The following SLC1A3 variants were observed in gnomAD, a reference collection of about 807,000 sequenced individuals.
SLC1A3 encodes the protein solute carrier family 1 member 3.
A neutral mutation model predicts 48.1 loss-of-function variants in SLC1A3; 21 were observed. That is an observed-to-expected ratio of 0.44 (90% CI 0.31 to 0.63). The LOEUF is 0.63. Among genes scored for constraint, SLC1A3 ranks in the 20% least tolerant of loss-of-function variants. The pLI is 0.08. For synonymous variants in SLC1A3, 239 were observed against 251.4 expected (o/e 0.95, Z 0.47); for missense variants, 546 against 689.0 (o/e 0.79, Z 2.32).
chr5:36,669,878 C>T (rs1741914595), intron 3 of SLC1A3: 1 of 151,610 alleles, frequency 6.6e-6, no homozygotes, highest in African/African-American at 2.4e-5. Flanking sequence ...GAATATTAAA[C>T]CACCATTAGA....
chr5:36,645,853 T>C (rs1036023719), intron 3 of SLC1A3, among the ~76,000 whole-genome samples: 6 of 152,238 alleles, frequency 3.9e-5, no homozygotes, highest in Non-Finnish European at 7.3e-5. Context: ...TTCTATCTCA[T>C]GTCTTGAATT....
intron 4 of SLC1A3, 148 bp downstream of exon 4, chr5:36,671,381 T>C (rs563706725): frequency 5.7e-6 from 4 of 707,386 alleles, no homozygotes; most frequent in South Asian, 4.5e-5. Context: ...CTCTTTCTTA[T>C]AGAAATTGAA....
chr5:36,673,823 G>C (rs1370154275), intron 4 of SLC1A3, among the ~76,000 whole-genome samples: 1 of 152,194 alleles, frequency 6.6e-6, no homozygotes, highest in Non-Finnish European at 1.5e-5. Flanking sequence ...TGGCTGACAA[G>C]AGGATAAATG....
intron 2 of SLC1A3, among the ~76,000 whole-genome samples, chr5:36,611,420 T>C (rs1023562045): frequency 3.3e-5 from 5 of 151,620 alleles, no homozygotes; most frequent in African/African-American, 1.2e-4. Context: ...AAAAATATTA[T>C]GATAAAGACA....
intron 3 of SLC1A3, among the ~76,000 whole-genome samples, chr5:36,666,800 C>G (rs1741768609): frequency 6.6e-6 from 1 of 152,084 alleles, no homozygotes; most frequent in African/African-American, 2.4e-5. Context: ...TACAGAGTAC[C>G]ACATACACAT....
chr5:36,666,602 G>GAT (rs1230869873), intron 3 of SLC1A3: 1 of 152,182 alleles, frequency 6.6e-6, no homozygotes, highest in Admixed American at 6.5e-5. Context: ...GGAGTACACT[G>GAT]ATACATGTTA....
At chr5:36,668,244 G>T (rs373741104) in intron 3 of SLC1A3, 8 of 152,244 alleles carry the variant, frequency 5.3e-5, no homozygotes, top group African/African-American at 1.4e-4. Context: ...ATTTCTTGAG[G>T]TTGGGGAAAG....
At chr5:36,604,742 C>T (rs1278509603), upstream of SLC1A3, among the ~76,000 whole-genome samples, 1 of 152,090 alleles carries the variant, frequency 6.6e-6, no homozygotes, top group Non-Finnish European at 1.5e-5. Flanking sequence ...CATCTCTATG[C>T]TAACCAAAGT....
intron 2 of SLC1A3, chr5:36,609,021 G>A (rs1035349673): frequency 5.0e-6 from 5 of 997,244 alleles, no homozygotes; most frequent in Non-Finnish European, 6.0e-6. Context: ...GTTCCAAATA[G>A]TAATTATATT....
chr5:36,620,104 A>G lies in SLC1A3; in HGVS notation c.182-9346A>G, dbSNP rs1467704868. 3.3e-5 allele frequency among the ~76,000 whole-genome samples: 5 copies of G among 152,218 alleles called. No individual in the cohort carries two copies. The East Asian group carries it at 9.6e-4, about 29-fold the overall frequency. ...CCTAAGTTTGCCATCCCATCCTCTC[A>G]TATCACTTACCGCAATGTGCCTTGG... On this transcript the variant is annotated intron_variant, in intron 2 of 9. Transcript: ENST00000265113.
chr5:36,608,290 T>C (rs1002708774), intron 1 of SLC1A3, 39 bp from the exon 2 acceptor site: 3 of 766,992 alleles, frequency 3.9e-6, no homozygotes, highest in Non-Finnish European at 6.5e-6. Context: ...TTCTCACCCC[T>C]GGAGGCTATA....
intron 3 of SLC1A3, among the ~76,000 whole-genome samples, chr5:36,649,721 T>A (rs942426995): frequency 6.6e-6 from 1 of 152,236 alleles, no homozygotes; most frequent in Admixed American, 6.5e-5. Flanking sequence ...AATATACTTA[T>A]GGGATAAAAA....
intron 3 of SLC1A3, among the ~76,000 whole-genome samples, chr5:36,665,296 A>G (rs1741694267): frequency 6.6e-6 from 1 of 152,208 alleles, no homozygotes; most frequent in Non-Finnish European, 1.5e-5. Flanking sequence ...TATTCAAAAA[A>G]ATGATTATTG....
intron 1 of SLC1A3, among the ~76,000 whole-genome samples, chr5:36,597,328 G>GC (rs1424400925): frequency 1.6e-5 from 2 of 123,118 alleles, no homozygotes; most frequent in Non-Finnish European, 3.2e-5. Context: ...CTCACTGCAA[G>GC]CTCCGCCTCC....
intron 1 of SLC1A3, among the ~76,000 whole-genome samples, chr5:36,596,793 G>T (rs1029058923): frequency 1.3e-5 from 2 of 152,158 alleles, no homozygotes; most frequent in Admixed American, 1.3e-4. Context: ...TTCTAGTCTT[G>T]TCTCTCTGCC....
Position 36,629,434 on chromosome 5 carries a change from T to C in SLC1A3, c.182-16T>C, listed in dbSNP as rs970227618. On this transcript the variant is annotated splice_polypyrimidine_tract_variant and intron_variant, in intron 2 of 9. Transcript: ENST00000265113. Reference sequence around the variant, plus strand: ...GACTCAATTTTTCTTTTTCTTTTTTTTTTTTTTTCCTTCAGGTACAATCCT... The same window carrying C: ...GACTCAATTTTTCTTTTTCTTTTTTCTTTTTTTTCCTTCAGGTACAATCCT... The C allele has an allele frequency of 3.1e-6, 5 of 1,608,398 alleles. No homozygotes were observed. Among genetic ancestry groups the C allele is most frequent in the African/African-American group, 2.7e-5 (2 of 74,438 alleles).
upstream of SLC1A3, among the ~76,000 whole-genome samples, chr5:36,604,126 A>G (rs1191273341): frequency 6.6e-6 from 1 of 152,214 alleles, no homozygotes; most frequent in Non-Finnish European, 1.5e-5. Flanking sequence ...AACATACTTC[A>G]TCACACAATG....
rs2111991439 is a variant in SLC1A3, at chr5:36,686,186, G to A, written c.1546G>A (p.Glu516Lys). The change falls in exon 10 of 10, where the codon GAG (glutamate) becomes AAG (lysine). Residue 516 changes from glutamate (E) to lysine (K), a missense_variant. Coordinates refer to ENST00000265113, the MANE Select transcript of SLC1A3 (RefSeq NM_004172.5). Reference protein sequence around the residue: ...DVEMGNSVIEENEMKKPYQLI... With the variant: ...DVEMGNSVIEKNEMKKPYQLI... ...TGAAATGGGTAACTCAGTGATTGAA[G>A]AGAATGAAATGAAGAAACCATATCA... The A allele has an allele frequency of 6.2e-7, 1 of 1,614,146 alleles. No individual in the cohort carries two copies. The highest frequency in any genetic ancestry group is 8.5e-7 in the Non-Finnish European group (1 of 1,179,954).
chr5:36,640,792 A>T (rs1247479152), intron 3 of SLC1A3, among the ~76,000 whole-genome samples: 2 of 151,980 alleles, frequency 1.3e-5, no homozygotes. Context: ...ATAAAACCAC[A>T]ATCTTGTTTC....
Sources: allele counts gnomAD v4.1 joint callset (sites outside exome capture counted in the v4.1 genomes callset), GRCh38; gene constraint gnomAD v4.1.1; transcripts MANE v1.5; gene names NCBI Gene and HGNC (gene_info 2026-07-23, HGNC 2026-07-21).